The following GRPEL2 variants were observed in gnomAD, a reference collection of about 807,000 sequenced individuals.
GRPEL2 encodes the protein GrpE like 2, mitochondrial, also known as grpE protein homolog 2, mitochondrial.
Under a neutral mutation model 25.9 loss-of-function variants are expected in GRPEL2, and 18 were observed. The ratio of observed to expected loss-of-function variants is 0.70; its 90% confidence interval spans 0.48 to 1.03. The LOEUF is 1.03. Ranked by LOEUF, GRPEL2 falls within the 50% of genes least tolerant of loss-of-function variation. The probability of loss-of-function intolerance (pLI) is 0.00; values close to 1 mark genes in which losing one functional copy is unlikely to be tolerated. For synonymous variants in GRPEL2, 106 were observed against 107.9 expected, an observed-to-expected ratio of 0.98 and a Z score of 0.11; for missense variants, 247 against 276.2, an observed-to-expected ratio of 0.89 and a Z score of 0.75.
At chr5:149,348,249 G>A in intron 1 of GRPEL2, 23 bp from the exon 2 acceptor site, 1 of 1,574,584 alleles carries the variant, frequency 6.4e-7, no homozygotes. Flanking sequence ...TCTTCATTAT[G>A]TGCCACCTCC....
rs1293113210 is a variant in GRPEL2, at chr5:149,354,009, ATTTATT to A, written c.*2737_*2742del. ...TGCCTACTACAGTAGGTGCTCAGAT[ATTTATT>A]TTTATTTTTTTATTATGCACATTGT... is the stretch of plus-strand genomic sequence containing the variant. On this transcript the variant is annotated 3_prime_UTR_variant, in exon 4 of 4. Coordinates refer to ENST00000329271, the MANE Select transcript of GRPEL2 (RefSeq NM_152407.4). The A allele has an allele frequency of 1.3e-5, 2 of 152,186 alleles. No homozygotes were observed. Among genetic ancestry groups the A allele is most frequent in the African/African-American group, 4.8e-5 (2 of 41,442 alleles). The allele number at this position is 152,186 out of a possible 1,614,324, so 9.4% of individuals were successfully genotyped here.
chr5:149,351,551 T>C lies in GRPEL2; in HGVS notation c.*269T>C. The stretch of plus-strand genomic sequence containing the variant: ...TAGGAAAATTGGTACTGTGATAAAT[T>C]TGAATCCAAAATCCTTTTAACTATG... On this transcript the variant is annotated 3_prime_UTR_variant, in exon 4 of 4. Transcript: ENST00000329271. 1 of 319,968 alleles carries C rather than the reference T, an allele frequency of 3.1e-6. No homozygotes were observed. The highest frequency in any genetic ancestry group is 5.8e-6 in the Non-Finnish European group (1 of 172,346). The allele number at this position is 319,968 out of a possible 1,614,324, so 19.8% of individuals were successfully genotyped here. A position where few individuals can be genotyped will look rare whatever the true frequency, so the allele number is the denominator to read the frequency against.
chr5:149,351,270 G>C lies in GRPEL2; in HGVS notation c.666G>C (p.Gln222His), dbSNP rs759368363. 8.0e-5 allele frequency: 128 copies of C among 1,608,402 alleles called. 3 individuals are homozygous for C. In the South Asian group the frequency reaches 1.3e-3, roughly 17 times the overall value. ...LARVEVAVES[Q>H]RRL ...GAGTGGAAGTGGCAGTGGAGTCTCA[G>C]AGAAGACTGTGAAGAGGCCATCAGG... Residue 222 changes from glutamine (Q) to histidine (H), a missense_variant, in exon 4 of 4, where the codon CAG becomes CAC. By Grantham distance (24) the Gln-to-His change is conservative. This residue lies in a region of GRPEL2 where 122 missense variants were observed against 169.2 expected (regional missense o/e 0.72). Transcript: ENST00000329271.
rs1757781270 is a variant in GRPEL2 at position 149,351,838 on chromosome 5, A to G, written c.*556A>G. The G allele has an allele frequency of 6.5e-6, 1 of 153,916 alleles. No individual in the cohort carries two copies. The highest frequency in any genetic ancestry group is 2.4e-5 in the African/African-American group (1 of 41,410). The allele number at this position is 153,916 out of a possible 1,614,324, so 9.5% of individuals were successfully genotyped here. A position where few individuals can be genotyped will look rare whatever the true frequency, so the allele number is the denominator to read the frequency against. ...CCAACTAGATAGGCTTTATGCTCACATCATTGTCCCATACCCACCCCTTTC... is the reference window on the plus strand; with the variant it reads ...CCAACTAGATAGGCTTTATGCTCACGTCATTGTCCCATACCCACCCCTTTC... On this transcript the variant is annotated 3_prime_UTR_variant, in exon 4 of 4. Transcript: ENST00000329271.
intron 1 of GRPEL2, among the ~76,000 whole-genome samples, chr5:149,346,958 C>T (rs1293226035): frequency 6.6e-6 from 1 of 151,972 alleles, no homozygotes; most frequent in African/African-American, 2.4e-5. Flanking sequence ...ATCTCCTGAC[C>T]TCGTGATCCG....
chr5:149,346,969 C>G (rs1757700695), intron 1 of GRPEL2, among the ~76,000 whole-genome samples: 1 of 152,074 alleles, frequency 6.6e-6, no homozygotes, highest in African/African-American at 2.4e-5. Context: ...TCGTGATCCG[C>G]ACGCCTCGGC....
At chr5:149,349,838 T>C in intron 3 of GRPEL2, 103 bp downstream of exon 3, 1 of 828,206 alleles carries the variant, frequency 1.2e-6, no homozygotes, top group Non-Finnish European at 2.0e-6. Context: ...TCACATGAGA[T>C]CAGGATTCAA....
intron 2 of GRPEL2, among the ~76,000 whole-genome samples, chr5:149,349,282 C>T (rs978195264): frequency 6.6e-6 from 1 of 152,206 alleles, no homozygotes; most frequent in African/African-American, 2.4e-5. Context: ...AGGCGTGAGC[C>T]ACCGTGCCCT....
intron 2 of GRPEL2, 55 bp downstream of exon 2, chr5:149,348,480 A>G (rs1391090070): frequency 3.3e-5 from 48 of 1,438,826 alleles, no homozygotes; most frequent in Non-Finnish European, 2.6e-5. Flanking sequence ...AAATATCCAC[A>G]TAAAGTTTTT....
At chr5:149,350,190 C>G (rs1276075473) in intron 3 of GRPEL2, among the ~76,000 whole-genome samples, 1 of 152,246 alleles carries the variant, frequency 6.6e-6, no homozygotes, top group Non-Finnish European at 1.5e-5. Flanking sequence ...GGTATCGTGT[C>G]ATAGACCTCT....
At chr5:149,350,574 AC>A (rs1757759197) in intron 3 of GRPEL2, among the ~76,000 whole-genome samples, 1 of 152,252 alleles carries the variant, frequency 6.6e-6, no homozygotes, top group African/African-American at 2.4e-5. Context: ...TTCAAAATGT[AC>A]ATAATACTAC....
At position 149,351,156 on chromosome 5, in the gene GRPEL2, G is replaced by A; in HGVS notation, c.552G>A (p.Val184=). The change falls in exon 4 of 4, where the codon GTG becomes GTA. Residue 184 remains valine (V), a synonymous_variant. Coordinates refer to ENST00000329271, the MANE Select transcript of GRPEL2 (RefSeq NM_152407.4). ...DPHEHELICH[V]PAGVGVQPGT... ...ATGAGCATGAACTCATCTGTCATGT[G>A]CCAGCTGGTGTTGGGGTGCAGCCTG... 4 of 1,614,128 alleles carry A rather than the reference G, an allele frequency of 2.5e-6. No individual in the cohort carries two copies. The highest frequency in any genetic ancestry group is 3.4e-6 in the Non-Finnish European group (4 of 1,180,042).
rs1757797246 is a variant in GRPEL2 at position 149,352,865 on chromosome 5, AT to A, written c.*1586del. Reference sequence around the variant, plus strand: ...GAACAACTAGATATTAATGTCAATCATTTAAGATTAATGGGCATGCAATTAA... The same window carrying A: ...GAACAACTAGATATTAATGTCAATCATTAAGATTAATGGGCATGCAATTAA... On this transcript the variant is annotated 3_prime_UTR_variant, in exon 4 of 4. Coordinates refer to ENST00000329271, the MANE Select transcript of GRPEL2 (RefSeq NM_152407.4). 1 of 152,246 alleles carries A rather than the reference AT, an allele frequency of 6.6e-6. No individual in the cohort carries two copies. The highest frequency in any genetic ancestry group is 2.4e-5 in the African/African-American group (1 of 41,464). 9.4% of individuals were successfully genotyped at this position (152,246 alleles called of 1,614,324 possible). A position where few individuals can be genotyped will look rare whatever the true frequency, so the allele number is the denominator to read the frequency against.
intron 3 of GRPEL2, among the ~76,000 whole-genome samples, chr5:149,350,609 T>C (rs540556818): frequency 6.6e-6 from 1 of 152,362 alleles, no homozygotes; most frequent in South Asian, 2.1e-4. Flanking sequence ...CAAAAATTCA[T>C]GTACATAAAA....
rs1404744868 is a variant in GRPEL2 at position 149,350,372 on chromosome 5, T to TA, written c.314-545dup. Among the ~76,000 whole-genome samples, 3 of 152,258 alleles carry TA rather than the reference T, an allele frequency of 2.0e-5. No homozygotes were observed. The East Asian group carries it at 5.8e-4, about 29-fold the overall frequency. On this transcript the variant is annotated intron_variant, in intron 3 of 3. Coordinates refer to ENST00000329271, the MANE Select transcript of GRPEL2 (RefSeq NM_152407.4). ...ATCTCTAGCAACTTCATAGCCAACT[T>TA]ACCTCATCTATGGCTGTGTCTTACT...
At position 149,345,567 on chromosome 5, in the gene GRPEL2, C is replaced by G. The variant is rs1477460032; in HGVS notation, c.28C>G (p.Arg10Gly). ...GGCCGTACGGTCGCTGTGGGCGGGC[C>G]GGCTGCGGGTGCAGCGCCTACTGGC... MAVRSLWAGRLRVQRLLAWS... is the reference protein window; with the variant it reads MAVRSLWAGGLRVQRLLAWS... The change falls in exon 1 of 4, where the codon CGG becomes GGG. Residue 10 changes from arginine (R) to glycine (G), a missense_variant. This residue lies in a region of GRPEL2 where 125 missense variants were observed against 107.0 expected (regional missense o/e 1.17). Transcript: ENST00000329271. 3 of 1,611,990 alleles carry G rather than the reference C, an allele frequency of 1.9e-6. No homozygotes were observed. Among genetic ancestry groups the G allele is most frequent in the South Asian group, 2.2e-5 (2 of 90,578 alleles).
chr5:149,348,461 C>T (rs750563222), intron 2 of GRPEL2, 36 bp downstream of exon 2: 3 of 1,522,874 alleles, frequency 2.0e-6, no homozygotes, highest in Non-Finnish European at 2.7e-6. Flanking sequence ...CATATCCTCT[C>T]TCTAGTTTAA....
intron 1 of GRPEL2, among the ~76,000 whole-genome samples, chr5:149,347,377 A>G (rs1757706376): frequency 1.3e-5 from 2 of 152,188 alleles, no homozygotes; most frequent in South Asian, 2.1e-4. Flanking sequence ...AATTGTTTTA[A>G]AGAACTCATG....
chr5:149,348,299 C>T lies in GRPEL2; in HGVS notation c.105C>T (p.Ala35=). 1 of 1,609,652 alleles carries T rather than the reference C, an allele frequency of 6.2e-7. No individual in the cohort carries two copies. ...GATGGCCGCTTCCATTCAGCACTGCCACCCAGAGAACTGCTGGTGAGGACT... is the reference window on the plus strand; with the variant it reads ...GATGGCCGCTTCCATTCAGCACTGCTACCCAGAGAACTGCTGGTGAGGACT... ...SKGWPLPFST[A]TQRTAGEDCR... Residue 35 remains alanine, a synonymous_variant, in exon 2 of 4, where the codon GCC becomes GCT. Transcript: ENST00000329271.
Sources: allele counts gnomAD v4.1 joint callset (sites outside exome capture counted in the v4.1 genomes callset), GRCh38; gene constraint gnomAD v4.1.1; regional missense constraint gnomAD v4.1.1; transcripts MANE v1.5; gene names NCBI Gene and HGNC (gene_info 2026-07-23, HGNC 2026-07-21).